The following MGAT5 variants were observed in gnomAD, a reference collection of about 807,000 sequenced individuals.
MGAT5 encodes the protein alpha-1,6-mannosylglycoprotein 6-beta-N-acetylglucosaminyltransferase, also known as alpha-1,6-mannosylglycoprotein 6-beta-N-acetylglucosaminyltransferase A.
In MGAT5, 30 loss-of-function variants were observed where a neutral mutation model predicts 94.3. The observed-to-expected ratio is 0.32, with a 90% CI of 0.24 to 0.43. The LOEUF (loss-of-function observed/expected upper bound fraction) is 0.43, where lower values mean the gene tolerates loss of function less well. MGAT5 is among the 20% of genes least tolerant of loss of function. MGAT5 has a pLI of 1.00. For synonymous variants in MGAT5, 310 were observed against 322.9 expected (o/e 0.96, Z 0.43); for missense variants, 691 against 905.5 (o/e 0.76, Z 3.04).
At chr2:134,436,807 C>A (rs1232374110) in intron 14 of MGAT5, among the ~76,000 whole-genome samples, 1 of 152,168 alleles carries the variant, frequency 6.6e-6, no homozygotes, top group African/African-American at 2.4e-5. Flanking sequence ...GTCTTACTAT[C>A]TGTTAGCCTC....
At chr2:134,414,127 A>G (rs1390991227) in intron 12 of MGAT5, among the ~76,000 whole-genome samples, 1 of 151,466 alleles carries the variant, frequency 6.6e-6, no homozygotes, top group Non-Finnish European at 1.5e-5. Flanking sequence ...ACCTTTGACA[A>G]GGGTTGTGCA....
rs185261128 is a variant in MGAT5 at position 134,165,584 on chromosome 2, G to C, written c.-143+45293G>C. ...AGGTCAGGAGATCGACACCATCCTG[G>C]CTAACAGGGTGAAACCCCATCTCTC... is the stretch of plus-strand genomic sequence containing the variant. On this transcript the variant is annotated intron_variant, in intron 1 of 16. Transcript: ENST00000409645. Among the ~76,000 whole-genome samples, 9 of 152,272 alleles carry C rather than the reference G, an allele frequency of 5.9e-5. No homozygotes were observed. The East Asian group carries it at 1.2e-3, about 20-fold the overall frequency.
At chr2:134,202,029 T>A (rs1003467750) in intron 1 of MGAT5, among the ~76,000 whole-genome samples, 1 of 152,066 alleles carries the variant, frequency 6.6e-6, no homozygotes, top group Non-Finnish European at 1.5e-5. Flanking sequence ...ATTATATTAT[T>A]ATTGAATACC....
intron 14 of MGAT5, among the ~76,000 whole-genome samples, chr2:134,440,580 C>G (rs1229171479): frequency 6.6e-6 from 1 of 152,232 alleles, no homozygotes; most frequent in Non-Finnish European, 1.5e-5. Flanking sequence ...TAGGCTCCAG[C>G]CGCCCTCAAC....
At chr2:134,442,723 C>G (rs982318586) in intron 15 of MGAT5, among the ~76,000 whole-genome samples, 1 of 152,166 alleles carries the variant, frequency 6.6e-6, no homozygotes, top group African/African-American at 2.4e-5. Context: ...GCCTCTCACC[C>G]ATGATCTTTG....
chr2:134,329,244 T>A (rs929682060), intron 4 of MGAT5, among the ~76,000 whole-genome samples: 1 of 152,016 alleles, frequency 6.6e-6, no homozygotes, highest in African/African-American at 2.4e-5. Context: ...GTGTAGGAGT[T>A]GAAGTCAGAT....
intron 1 of MGAT5, among the ~76,000 whole-genome samples, chr2:134,205,340 T>G (rs942308833): frequency 6.6e-6 from 1 of 151,492 alleles, no homozygotes; most frequent in African/African-American, 2.4e-5. Flanking sequence ...ATAATGTGGG[T>G]GGGAGGTGAG....
chr2:134,392,818 A>G (rs962982030), intron 10 of MGAT5, among the ~76,000 whole-genome samples: 4 of 152,256 alleles, frequency 2.6e-5, no homozygotes, highest in East Asian at 1.9e-4. Context: ...GTGATGTGGC[A>G]TAGTGGAAAC....
intron 2 of MGAT5, among the ~76,000 whole-genome samples, chr2:134,280,011 A>C (rs1216526039): frequency 6.6e-6 from 1 of 152,148 alleles, no homozygotes. Context: ...CATGTTTTTG[A>C]AAAGGTTTTG....
At chr2:134,364,239 C>G (rs1680276643) in intron 10 of MGAT5, among the ~76,000 whole-genome samples, 1 of 152,188 alleles carries the variant, frequency 6.6e-6, no homozygotes, top group South Asian at 2.1e-4. Context: ...GTGGTGCATG[C>G]CTGTAATCCC....
intron 2 of MGAT5, among the ~76,000 whole-genome samples, chr2:134,291,663 G>A (rs760675128): frequency 9.2e-5 from 14 of 152,268 alleles, no homozygotes; most frequent in African/African-American, 2.9e-4. Flanking sequence ...TGTGGCTGGC[G>A]TGCAGTGAAT....
chr2:134,428,065 C>G (rs1257716846), intron 13 of MGAT5, among the ~76,000 whole-genome samples: 1 of 152,234 alleles, frequency 6.6e-6, no homozygotes, highest in East Asian at 1.9e-4. Context: ...CCACTATGTG[C>G]TAGTCACTAA....
chr2:134,426,758 G>A (rs557765189), intron 13 of MGAT5, among the ~76,000 whole-genome samples: 1 of 151,142 alleles, frequency 6.6e-6, no homozygotes, highest in African/African-American at 2.5e-5. Flanking sequence ...GGCTGTGTCT[G>A]GGTTAGAGAG....
chr2:134,374,302 A>C (rs956870475), intron 10 of MGAT5, among the ~76,000 whole-genome samples: 2 of 152,176 alleles, frequency 1.3e-5, no homozygotes, highest in African/African-American at 2.4e-5. Flanking sequence ...GGAATACTTA[A>C]ATTTTTGATA....
At chr2:134,445,780 C>T (rs1685738286) in intron 15 of MGAT5, among the ~76,000 whole-genome samples, 1 of 152,134 alleles carries the variant, frequency 6.6e-6, no homozygotes, top group African/African-American at 2.4e-5. Context: ...ACAGACACTG[C>T]AGGGACAGAG....
chr2:134,321,610 T>G (rs947152410), intron 4 of MGAT5, among the ~76,000 whole-genome samples: 36 of 152,130 alleles, frequency 2.4e-4, no homozygotes, highest in Admixed American at 1.3e-4. Context: ...GCTGAGTATT[T>G]CATTTTGGAA....
chr2:134,149,657 C>A (rs1055406795), intron 1 of MGAT5, among the ~76,000 whole-genome samples: 1 of 152,220 alleles, frequency 6.6e-6, no homozygotes, highest in Non-Finnish European at 1.5e-5. Context: ...ATCTCAATTG[C>A]GAAAGCAATT....
At position 134,323,237 on chromosome 2, in the gene MGAT5, C is replaced by T. The variant is rs193257682; in HGVS notation, c.573+4498C>T. On this transcript the variant is annotated intron_variant, in intron 4 of 15. Transcript: ENST00000281923. The stretch of plus-strand genomic sequence containing the variant: ...ACCCCCACAGCTGTTTGTTATATGT[C>T]TGACGCTGTACTAGAGATGGTAGAG... 9.8e-4 allele frequency among the ~76,000 whole-genome samples: 149 copies of T among 152,256 alleles called. 1 individual carries two copies. Among genetic ancestry groups the T allele is most frequent in the Non-Finnish European group, 1.5e-3 (101 of 68,010 alleles).
intron 2 of MGAT5, among the ~76,000 whole-genome samples, chr2:134,309,719 G>T (rs1686538884): frequency 6.6e-6 from 1 of 152,216 alleles, no homozygotes; most frequent in East Asian, 1.9e-4. Flanking sequence ...GAGGGTTGGT[G>T]TATATATGAT....
Sources: allele counts gnomAD v4.1 joint callset (sites outside exome capture counted in the v4.1 genomes callset), GRCh38; gene constraint gnomAD v4.1.1; transcripts MANE v1.5; gene names NCBI Gene and HGNC (gene_info 2026-07-23, HGNC 2026-07-21).